The following NBEA variants were observed in gnomAD, a reference collection of about 807,000 sequenced individuals.
NBEA encodes the protein lysosomal-trafficking regulator 2.
In NBEA, 44 loss-of-function variants were observed where a neutral mutation model predicts 343.4. The ratio of observed to expected loss-of-function variants is 0.13; its 90% CI spans 0.10 to 0.16. The LOEUF (loss-of-function observed/expected upper bound fraction) is 0.16, where lower values mean the gene tolerates loss of function less well. Among genes scored for constraint, NBEA ranks in the 10% least tolerant of loss-of-function variants. The pLI, the probability that NBEA is intolerant of heterozygous loss-of-function variation, is 1.00. For synonymous variants in NBEA, 1,175 were observed against 1,238.7 expected (o/e 0.95, Z 1.08); for missense variants, 2,555 against 3,631.3 (o/e 0.70, Z 7.62).
chr13:35,330,864 C>T (rs2038885398), intron 36 of NBEA, among the ~76,000 whole-genome samples: 1 of 151,906 alleles, frequency 6.6e-6, no homozygotes, highest in South Asian at 2.1e-4. Context: ...AATAGAAAGT[C>T]TCAAAATAGC....
At chr13:35,414,491 G>T (rs558560741) in intron 38 of NBEA, among the ~76,000 whole-genome samples, 2 of 151,710 alleles carry the variant, frequency 1.3e-5, no homozygotes, top group Non-Finnish European at 2.9e-5. Context: ...GTTGGTTTTC[G>T]GTCCTTGCGA....
intron 36 of NBEA, among the ~76,000 whole-genome samples, chr13:35,339,687 G>T (rs1359119332): frequency 3.3e-5 from 5 of 152,016 alleles, no homozygotes; most frequent in Admixed American, 6.6e-5. Flanking sequence ...AAACAATCGT[G>T]GCAGAAGGTG....
intron 36 of NBEA, among the ~76,000 whole-genome samples, chr13:35,321,666 A>G (rs755525000): frequency 5.4e-5 from 8 of 147,442 alleles, no homozygotes; most frequent in Non-Finnish European, 1.2e-4. Context: ...AGTGGGCAGG[A>G]ACATTTAAGT....
intron 41 of NBEA, among the ~76,000 whole-genome samples, chr13:35,537,348 AAAATCAG>A (rs930861377): frequency 2.6e-5 from 4 of 152,108 alleles, no homozygotes; most frequent in African/African-American, 9.7e-5. Flanking sequence ...TCAGAAGAAC[AAAATCAG>A]AAATCAGACT....
At chr13:35,015,560 A>G (rs1047481289) in intron 1 of NBEA, among the ~76,000 whole-genome samples, 2 of 152,078 alleles carry the variant, frequency 1.3e-5, no homozygotes, top group African/African-American at 4.8e-5. Flanking sequence ...GCATTACATT[A>G]CTCTAACAAG....
At chr13:35,456,764 G>C (rs1298289577) in intron 40 of NBEA, among the ~76,000 whole-genome samples, 1 of 151,866 alleles carries the variant, frequency 6.6e-6, no homozygotes, top group Non-Finnish European at 1.5e-5. Flanking sequence ...CACATATGCT[G>C]AGTGATAATA....
chr13:35,064,928 C>A (rs1417509506), intron 8 of NBEA, among the ~76,000 whole-genome samples: 1 of 150,818 alleles, frequency 6.6e-6, no homozygotes, highest in African/African-American at 2.4e-5. Context: ...TTTAAGCCAT[C>A]CAGCCTCTGA....
intron 35 of NBEA, among the ~76,000 whole-genome samples, chr13:35,306,225 T>C (rs1261917371): frequency 6.6e-6 from 1 of 152,162 alleles, no homozygotes; most frequent in Non-Finnish European, 1.5e-5. Flanking sequence ...TAAAATTTAA[T>C]GATGATATAC....
At chr13:35,129,548 C>G (rs2067302185) in intron 17 of NBEA, among the ~76,000 whole-genome samples, 1 of 151,808 alleles carries the variant, frequency 6.6e-6, no homozygotes, top group African/African-American at 2.4e-5. Flanking sequence ...AATTGGTGAA[C>G]TGAGGGATAG....
chr13:35,483,688 A>G (rs1334448278), intron 41 of NBEA, among the ~76,000 whole-genome samples: 3 of 152,126 alleles, frequency 2.0e-5, no homozygotes, highest in Non-Finnish European at 4.4e-5. Flanking sequence ...AATTATTTAA[A>G]TGCTTTCTGT....
At chr13:35,596,296 C>T (rs574508263) in intron 47 of NBEA, among the ~76,000 whole-genome samples, 3 of 152,212 alleles carry the variant, frequency 2.0e-5, no homozygotes, top group South Asian at 2.1e-4. Flanking sequence ...TATGTTGCTA[C>T]GAGTAGTAAT....
intron 17 of NBEA, among the ~76,000 whole-genome samples, chr13:35,138,907 A>G (rs2067902251): frequency 6.6e-6 from 1 of 152,054 alleles, no homozygotes; most frequent in South Asian, 2.1e-4. Flanking sequence ...TGTGTGTCAT[A>G]TATGGATTTA....
At chr13:35,459,799 C>T (rs571584605) in intron 40 of NBEA, among the ~76,000 whole-genome samples, 1 of 152,230 alleles carries the variant, frequency 6.6e-6, no homozygotes, top group South Asian at 2.1e-4. Context: ...TTAAAATAAA[C>T]TACAGAATTC....
chr13:35,269,486 T>C (rs1197051329), intron 34 of NBEA, among the ~76,000 whole-genome samples: 1 of 152,170 alleles, frequency 6.6e-6, no homozygotes, highest in Non-Finnish European at 1.5e-5. Flanking sequence ...TCTTACTACA[T>C]GGAAGTGGTC....
At chr13:34,988,087 G>T (rs1415181540) in intron 1 of NBEA, among the ~76,000 whole-genome samples, 1 of 150,900 alleles carries the variant, frequency 6.6e-6, no homozygotes, top group East Asian at 1.9e-4. Flanking sequence ...CTGGTTTTTA[G>T]AATTTTCAGC....
chr13:35,021,512 A>G (rs2152541557), intron 1 of NBEA, among the ~76,000 whole-genome samples: 1 of 152,022 alleles, frequency 6.6e-6, no homozygotes, highest in South Asian at 2.1e-4. Context: ...TTTATTCCGT[A>G]TTTATTACAT....
intron 41 of NBEA, among the ~76,000 whole-genome samples, chr13:35,501,378 CAT>C (rs1468550796): frequency 1.3e-5 from 2 of 152,118 alleles, no homozygotes; most frequent in Non-Finnish European, 2.9e-5. Context: ...TTTCTGATAA[CAT>C]AGATTTTCAA....
intron 1 of NBEA, among the ~76,000 whole-genome samples, chr13:34,972,754 T>A (rs1321773308): frequency 6.6e-6 from 1 of 152,122 alleles, no homozygotes; most frequent in African/African-American, 2.4e-5. Flanking sequence ...ATGTGATCGA[T>A]TGTAGAGTAA....
At chr13:35,238,153 A>G (rs573766408) in intron 34 of NBEA, among the ~76,000 whole-genome samples, 2 of 152,336 alleles carry the variant, frequency 1.3e-5, no homozygotes, top group South Asian at 2.1e-4. Flanking sequence ...CCTACCAGCC[A>G]AAGATAACAA....
Sources: gnomAD v4.1 joint callset for allele counts (sites outside exome capture counted in the v4.1 genomes callset) on GRCh38, gnomAD v4.1.1 for gene constraint, MANE v1.5 for transcripts, NCBI Gene and HGNC (gene_info 2026-07-23, HGNC 2026-07-21) for gene names.